SRD5A2: variants seen among roughly 807,000 people sequenced by gnomAD.
SRD5A2 encodes the protein steroid 5 alpha-reductase 2.
Under a neutral mutation model 27.4 loss-of-function variants are expected in SRD5A2, and 30 were observed. The observed-to-expected ratio is 1.10, with a 90% CI of 0.82 to 1.49. SRD5A2 has a LOEUF of 1.49. Ranked by LOEUF, SRD5A2 falls within the 40% of genes most tolerant of loss-of-function variation. The pLI is 0.00. For missense variants in SRD5A2, 348 were observed against 323.4 expected (o/e 1.08, Z -0.58); for synonymous variants, 141 against 133.6 (o/e 1.06, Z -0.38).
At position 31,576,082 on chromosome 2, in the gene SRD5A2, G is replaced by A. The variant is rs58067451; in HGVS notation, c.281+4538C>T. Among the ~76,000 whole-genome samples, 286 of 150,160 alleles carry A rather than the reference G, an allele frequency of 1.9e-3. 4 individuals carry two copies. The East Asian group carries it at 0.045, about 24-fold the overall frequency. On this transcript the variant is annotated intron_variant, in intron 1 of 4. Coordinates refer to ENST00000622030, the MANE Select transcript of SRD5A2 (RefSeq NM_000348.4). ...AGGCATTACCATTCAGGACATAGGC[G>A]TGGGCAAGGACTTCATGTCCAAAAC... is the stretch of plus-strand genomic sequence containing the variant.
chr2:31,588,392 G>A, the SRD5A2 span, among the ~76,000 whole-genome samples: 11 of 152,192 alleles, frequency 7.2e-5, 1 homozygote, highest in South Asian at 2.1e-3. Flanking sequence ...AACAAATAAC[G>A]TACAATGGGG....
chr2:31,572,139 T>C (rs1666861844), intron 1 of SRD5A2, among the ~76,000 whole-genome samples: 2 of 152,194 alleles, frequency 1.3e-5, no homozygotes, highest in South Asian at 2.1e-4. Context: ...CCATGGAATA[T>C]TATGCAGCCA....
At chr2:31,583,231 T>C (rs3754838), upstream of SRD5A2, among the ~76,000 whole-genome samples, 16,932 of 152,198 alleles carry the variant, frequency 0.11, 1,017 homozygotes, top group Middle Eastern at 0.18. Context: ...AGCTCCACCA[T>C]GTCTATATAA....
chr2:31,533,087 A>G (rs1665949819), intron 2 of SRD5A2, among the ~76,000 whole-genome samples: 1 of 152,188 alleles, frequency 6.6e-6, no homozygotes, highest in Non-Finnish European at 1.5e-5. Flanking sequence ...TCAGCTTATC[A>G]GCTATCATTG....
chr2:31,616,083 G>A, the SRD5A2 span, among the ~76,000 whole-genome samples: 4 of 152,148 alleles, frequency 2.6e-5, no homozygotes, highest in East Asian at 7.8e-4. Context: ...TGTCCAGGCA[G>A]AAGTTGGCTA....
At chr2:31,552,384 G>A (rs116085973) in intron 1 of SRD5A2, among the ~76,000 whole-genome samples, 26 of 151,908 alleles carry the variant, frequency 1.7e-4, no homozygotes, top group African/African-American at 5.3e-4. Flanking sequence ...ATGACCATCC[G>A]GCATCCCAGT....
At chr2:31,637,925 T>C in the SRD5A2 span, among the ~76,000 whole-genome samples, 1 of 152,094 alleles carries the variant, frequency 6.6e-6, no homozygotes, top group African/African-American at 2.4e-5. Context: ...CTCAATTGCA[T>C]TTATATTTGC....
At chr2:31,661,665 T>C in the SRD5A2 span, among the ~76,000 whole-genome samples, 1 of 152,192 alleles carries the variant, frequency 6.6e-6, no homozygotes, top group Non-Finnish European at 1.5e-5. Context: ...TCCGTATATT[T>C]ACCCTGTTCG....
At chr2:31,586,134 G>A in the SRD5A2 span, among the ~76,000 whole-genome samples, 2 of 152,066 alleles carry the variant, frequency 1.3e-5, no homozygotes, top group Non-Finnish European at 2.9e-5. Context: ...CTGAGATTTT[G>A]GTGCCCATCA....
intron 1 of SRD5A2, among the ~76,000 whole-genome samples, chr2:31,545,798 T>C (rs1017917257): frequency 4.6e-5 from 7 of 152,314 alleles, no homozygotes; most frequent in African/African-American, 1.7e-4. Flanking sequence ...GATATGATCA[T>C]GTGTCTAGAA....
At chr2:31,621,918 C>G in the SRD5A2 span, among the ~76,000 whole-genome samples, 1 of 151,350 alleles carries the variant, frequency 6.6e-6, no homozygotes, top group Non-Finnish European at 1.5e-5. Context: ...CTTGGAAGTA[C>G]AGGCATGAGC....
chr2:31,639,282 A>G, the SRD5A2 span, among the ~76,000 whole-genome samples: 2 of 152,068 alleles, frequency 1.3e-5, no homozygotes, highest in African/African-American at 4.8e-5. Flanking sequence ...ACATATTATT[A>G]TAGTACCTGT....
the SRD5A2 span, among the ~76,000 whole-genome samples, chr2:31,601,440 A>T: frequency 6.6e-6 from 1 of 152,140 alleles, no homozygotes; most frequent in South Asian, 2.1e-4. Context: ...CTACCAACTA[A>T]AAAATGCCCA....
chr2:31,648,358 T>C, the SRD5A2 span, among the ~76,000 whole-genome samples: 1 of 152,224 alleles, frequency 6.6e-6, no homozygotes, highest in African/African-American at 2.4e-5. Flanking sequence ...CTTAAACCAC[T>C]TAAGGTCTAG....
intron 1 of SRD5A2, among the ~76,000 whole-genome samples, chr2:31,558,045 A>G (rs1316554822): frequency 6.6e-6 from 1 of 152,190 alleles, no homozygotes; most frequent in Non-Finnish European, 1.5e-5. Flanking sequence ...AAAGCTTTTT[A>G]GCCATGGAGC....
intron 1 of SRD5A2, among the ~76,000 whole-genome samples, chr2:31,541,550 TC>T (rs1461412996): frequency 6.6e-6 from 1 of 151,860 alleles, no homozygotes; most frequent in Admixed American, 6.6e-5. Context: ...GCAACAATGA[TC>T]CCCACTGCAG....
chr2:31,648,687 T>C, the SRD5A2 span, among the ~76,000 whole-genome samples: 1 of 152,208 alleles, frequency 6.6e-6, no homozygotes, highest in African/African-American at 2.4e-5. Context: ...GCAACCAAAC[T>C]GCTGGATGCT....
chr2:31,559,810 G>A (rs1312743485), intron 1 of SRD5A2, among the ~76,000 whole-genome samples: 1 of 148,446 alleles, frequency 6.7e-6, no homozygotes, highest in East Asian at 2.0e-4. Flanking sequence ...CAATACATCA[G>A]TGCCCATAAG....
intron 1 of SRD5A2, among the ~76,000 whole-genome samples, chr2:31,556,976 G>A (rs1666508548): frequency 6.6e-6 from 1 of 152,158 alleles, no homozygotes; most frequent in Non-Finnish European, 1.5e-5. Context: ...AACAACCCTA[G>A]GAGATAGGTA....
Sources: gnomAD v4.1 joint callset for allele counts (sites outside exome capture counted in the v4.1 genomes callset) on GRCh38, gnomAD v4.1.1 for gene constraint, MANE v1.5 for transcripts, NCBI Gene and HGNC (gene_info 2026-07-23, HGNC 2026-07-21) for gene names.